XKR5: variants seen among roughly 807,000 people sequenced by gnomAD.
XKR5 encodes XK-related protein 5.
In XKR5, 46 loss-of-function variants were observed where a neutral mutation model predicts 40.8. That is an observed-to-expected ratio of 1.13 (90% CI 0.89 to 1.44). The LOEUF (loss-of-function observed/expected upper bound fraction) is 1.44. XKR5 is among the 40% of genes most tolerant of loss of function. The probability of loss-of-function intolerance (pLI) is 0.00; values close to 1 mark genes in which losing one functional copy is unlikely to be tolerated. For missense variants in XKR5, 1,169 were observed against 844.7 expected (o/e 1.38, Z -4.76); for synonymous variants, 466 against 356.1 (o/e 1.31, Z -3.48).
intron 4 of XKR5, 38 bp downstream of exon 4, chr8:6,823,483 A>T (rs1467129054): frequency 6.4e-7 from 1 of 1,551,222 alleles, no homozygotes; most frequent in Non-Finnish European, 8.7e-7. Flanking sequence ...TTGATTGGTT[A>T]TGCAGCAACA....
chr8:6,823,788 T>C (rs1804346689), intron 3 of XKR5, 58 bp from the exon 4 acceptor site: 2 of 1,403,494 alleles, frequency 1.4e-6, no homozygotes, highest in Non-Finnish European at 9.8e-7. Flanking sequence ...AACAGTACCT[T>C]GTGAAGATTC....
At chr8:6,830,035 C>A (rs966608782) in intron 2 of XKR5, among the ~76,000 whole-genome samples, 5 of 151,944 alleles carry the variant, frequency 3.3e-5, no homozygotes, top group Non-Finnish European at 7.4e-5. Flanking sequence ...GACGGGGTTT[C>A]ACCGTGTTAG....
chr8:6,822,336 G>C lies in XKR5; in HGVS notation c.638-298C>G, dbSNP rs376777105. 5.3e-4 allele frequency among the ~76,000 whole-genome samples: 80 copies of C among 152,238 alleles called. 3 individuals are homozygous for C. The South Asian group carries it at 0.017, about 32-fold the overall frequency. ...GTATACCTATGACCTTTTTATTCCA[G>C]AAAGTGTTTAAAGGGGCAGTTATAA... is the stretch of plus-strand genomic sequence containing the variant. On this transcript the variant is annotated intron_variant, in intron 4 of 6. Transcript: ENST00000618742.
chr8:6,827,147 G>T (rs139084481), intron 2 of XKR5, among the ~76,000 whole-genome samples: 1 of 152,046 alleles, frequency 6.6e-6, no homozygotes, highest in African/African-American at 2.4e-5. Flanking sequence ...CTCAGGCTTC[G>T]AGTCTCACCT....
chr8:6,818,870 G>C (rs1804088899), intron 5 of XKR5, among the ~76,000 whole-genome samples: 1 of 152,138 alleles, frequency 6.6e-6, no homozygotes, highest in African/African-American at 2.4e-5. Context: ...GTTGGTTAAA[G>C]GCCCTACGAA....
intron 5 of XKR5, among the ~76,000 whole-genome samples, chr8:6,819,251 C>T (rs1804112375): frequency 6.6e-6 from 1 of 152,202 alleles, no homozygotes; most frequent in South Asian, 2.1e-4. Flanking sequence ...CAGCCTCTTT[C>T]CTGTGTGAGC....
chr8:6,820,946 A>G (rs1480325832), intron 5 of XKR5, among the ~76,000 whole-genome samples: 2 of 152,172 alleles, frequency 1.3e-5, no homozygotes, highest in Non-Finnish European at 2.9e-5. Flanking sequence ...AATGGCCACA[A>G]TTTATGGGTT....
intron 6 of XKR5, among the ~76,000 whole-genome samples, chr8:6,813,388 G>A (rs1803822647): frequency 6.6e-6 from 1 of 152,190 alleles, no homozygotes; most frequent in Non-Finnish European, 1.5e-5. Flanking sequence ...GATGAACAAA[G>A]GCCCCTGATC....
At chr8:6,822,110 C>T (rs1804268278) in intron 4 of XKR5, 72 bp from the exon 5 acceptor site, 2 of 1,464,792 alleles carry the variant, frequency 1.4e-6, no homozygotes, top group East Asian at 4.9e-5. Context: ...ACACAGAGAC[C>T]AGGGGCTGGA....
chr8:6,829,140 C>T (rs1563362083), intron 2 of XKR5: 2 of 165,400 alleles, frequency 1.2e-5, no homozygotes, highest in Admixed American at 1.3e-4. Context: ...TAAATCTCCA[C>T]CCATTTATGC....
At chr8:6,813,739 C>T (rs547587595) in intron 6 of XKR5, among the ~76,000 whole-genome samples, 7 of 152,218 alleles carry the variant, frequency 4.6e-5, no homozygotes, top group African/African-American at 4.8e-5. Context: ...ACTCACTGCC[C>T]GTGGCTATGG....
chr8:6,815,986 G>A (rs1425791142), intron 5 of XKR5, 68 bp from the exon 6 acceptor site: 4 of 1,242,458 alleles, frequency 3.2e-6, no homozygotes, highest in Non-Finnish European at 4.6e-6. Flanking sequence ...CCCGTCCCGT[G>A]AGTCTGCAGC....
chr8:6,834,702 A>C (rs1303974243), intron 1 of XKR5, among the ~76,000 whole-genome samples: 1 of 146,784 alleles, frequency 6.8e-6, no homozygotes, highest in Non-Finnish European at 1.5e-5. Context: ...TGCCCGGGAA[A>C]AAGCTTCCGC....
chr8:6,811,979 T>C lies in XKR5; in HGVS notation c.1280A>G (p.Asn427Ser), dbSNP rs575657939. 2.8e-4 allele frequency: 431 copies of C among 1,537,324 alleles called. 5 individuals are homozygous for C. In the South Asian group the frequency reaches 4.9e-3, roughly 18 times the overall value. Reference sequence around the variant, plus strand: ...TGCAGGTGGACAATAGGCAGGACTGTTATCTCCAAAGGCGGCATTGATCTT... The same window carrying C: ...TGCAGGTGGACAATAGGCAGGACTGCTATCTCCAAAGGCGGCATTGATCTT... ...VSKINAAFGD[N>S]SPAYCPPAWG... The change falls in exon 7 of 7, where the codon AAC becomes AGC. Residue 427 changes from asparagine (N) to serine (S), a missense_variant. Physicochemically the swap from Asn to Ser is conservative, Grantham distance 46. Coordinates refer to ENST00000618742, the MANE Select transcript of XKR5 (RefSeq NM_207411.5).
chr8:6,811,742 G>T lies in XKR5; in HGVS notation c.1517C>A (p.Thr506Lys). Residue 506 changes from threonine to lysine, a missense_variant, in exon 7 of 7, where the codon ACG (threonine) becomes AAG (lysine). By Grantham distance (78) the Thr-to-Lys change is moderately conservative. Transcript: ENST00000618742. ...DEAPTQNPAA[T>K]QGEGTPKEGA... Reference sequence around the variant, plus strand: ...TTCCTTTGGGGTGCCCTCCCCCTGCGTGGCTGCTGGGTTCTGGGTAGGTGC... The same window carrying T: ...TTCCTTTGGGGTGCCCTCCCCCTGCTTGGCTGCTGGGTTCTGGGTAGGTGC... The T allele has an allele frequency of 6.5e-7, 1 of 1,537,566 alleles. No individual in the cohort carries two copies. Among genetic ancestry groups the T allele is most frequent in the Non-Finnish European group, 8.7e-7 (1 of 1,146,992 alleles).
rs752836497 is a variant in XKR5 at position 6,811,603 on chromosome 8, T to C, written c.1656A>G (p.Thr552=). The C allele has an allele frequency of 2.6e-6, 4 of 1,537,390 alleles. No individual in the cohort carries two copies. Among genetic ancestry groups the C allele is most frequent in the South Asian group, 2.4e-5 (2 of 84,054 alleles). The part of the protein sequence containing the change: ...LYFSATAEVA[T]SSQQEGSPAT... ...CTGGGCTGCCTTCTTGTTGTGAGGA[T>C]GTGGCCACTTCTGCAGTGGCGCTGA... The change falls in exon 7 of 7, where the codon ACA becomes ACG. Residue 552 remains threonine (T), a synonymous_variant. Transcript: ENST00000618742.
chr8:6,826,511 G>A (rs542433426), intron 2 of XKR5, among the ~76,000 whole-genome samples: 2 of 152,148 alleles, frequency 1.3e-5, no homozygotes, highest in Non-Finnish European at 1.5e-5. Context: ...ACTGAACAGG[G>A]GAGATGAGGG....
intron 2 of XKR5, among the ~76,000 whole-genome samples, chr8:6,826,304 T>A (rs1328546221): frequency 6.6e-6 from 1 of 151,890 alleles, no homozygotes; most frequent in Non-Finnish European, 1.5e-5. Flanking sequence ...ATGTGTGCAG[T>A]GTGTATCTGT....
chr8:6,819,163 G>C (rs534644679), intron 5 of XKR5, among the ~76,000 whole-genome samples: 2 of 152,352 alleles, frequency 1.3e-5, no homozygotes, highest in South Asian at 4.1e-4. Flanking sequence ...GTTGGCCCTG[G>C]GCTACGCTGC....
Sources: gnomAD v4.1 joint callset for allele counts (sites outside exome capture counted in the v4.1 genomes callset) on GRCh38, gnomAD v4.1.1 for gene constraint, MANE v1.5 for transcripts, NCBI Gene and HGNC (gene_info 2026-07-23, HGNC 2026-07-21) for gene names.